Variants in PALM2AKAP2 observed in about 807,000 individuals in gnomAD.
The protein encoded by PALM2AKAP2 is PALM2-AKAP2 fusion protein.
Under a neutral mutation model 71.5 loss-of-function variants are expected in PALM2AKAP2, and 37 were observed. That is an observed-to-expected ratio of 0.52 (90% CI 0.40 to 0.68). PALM2AKAP2 has a LOEUF of 0.68. Ranked by LOEUF, PALM2AKAP2 falls within the 30% of genes least tolerant of loss-of-function variation. The pLI is 0.00. For missense variants in PALM2AKAP2, 1,224 were observed against 1,191.8 expected (o/e 1.03, Z -0.40); for synonymous variants, 468 against 478.8 (o/e 0.98, Z 0.29).
At chr9:109,883,910 G>A (rs1829908930) in intron 3 of PALM2AKAP2, among the ~76,000 whole-genome samples, 1 of 152,156 alleles carries the variant, frequency 6.6e-6, no homozygotes, top group South Asian at 2.1e-4. Flanking sequence ...AATGGGAGAG[G>A]TACAAGAGGG....
intron 1 of PALM2AKAP2, among the ~76,000 whole-genome samples, chr9:110,109,356 TAA>T (rs35816224): frequency 8.0e-6 from 1 of 125,252 alleles, no homozygotes; most frequent in African/African-American, 3.0e-5. Flanking sequence ...AAGAAACATT[TAA>T]AAAAAAAAAA....
At chr9:110,116,033 A>G (rs1260639932) in intron 1 of PALM2AKAP2, among the ~76,000 whole-genome samples, 5 of 152,182 alleles carry the variant, frequency 3.3e-5, no homozygotes, top group African/African-American at 4.8e-5. Context: ...GGGTAAATCT[A>G]CGAGAGAGAC....
intron 1 of PALM2AKAP2, among the ~76,000 whole-genome samples, chr9:110,115,429 A>G (rs1321011606): frequency 6.6e-6 from 1 of 152,180 alleles, no homozygotes; most frequent in Non-Finnish European, 1.5e-5. Flanking sequence ...TGGGAGAAAA[A>G]TTAGCGGCCC....
chr9:109,722,126 A>C (rs114688506), intron 1 of PALM2AKAP2, among the ~76,000 whole-genome samples: 1,980 of 152,312 alleles, frequency 0.013, 39 homozygotes, highest in African/African-American at 0.045. Flanking sequence ...GAAGTGATTT[A>C]ACTGTCCATT....
chr9:110,140,994 C>T lies in PALM2AKAP2; in HGVS notation c.2569+2455C>T, dbSNP rs570173362. On this transcript the variant is annotated intron_variant, in intron 2 of 3. Transcript: ENST00000374525. ...GGGGGGCGGGCACAAACATTCAGAC[C>T]GTAGCATGAGTATTTTCAGGCTTCT... Among the ~76,000 whole-genome samples, 31 of 152,320 alleles carry T rather than the reference C, an allele frequency of 2.0e-4. No individual in the cohort carries two copies. The East Asian group carries it at 3.9e-3, about 19-fold the overall frequency.
intron 1 of PALM2AKAP2, among the ~76,000 whole-genome samples, chr9:109,814,508 A>C (rs557093369): frequency 7.2e-5 from 11 of 152,316 alleles, no homozygotes; most frequent in East Asian, 1.9e-4. Context: ...GCCTCCTGTC[A>C]CTGGGAGAAT....
intron 1 of PALM2AKAP2, among the ~76,000 whole-genome samples, chr9:109,851,320 G>C (rs1173130818): frequency 6.6e-6 from 1 of 152,124 alleles, no homozygotes; most frequent in Non-Finnish European, 1.5e-5. Flanking sequence ...ATGATCCTCA[G>C]GTGATCTTAA....
chr9:110,057,839 A>T (rs527506791), intron 1 of PALM2AKAP2, among the ~76,000 whole-genome samples: 83 of 152,242 alleles, frequency 5.5e-4, no homozygotes, highest in African/African-American at 1.9e-3. Context: ...CAAAATCCCT[A>T]ATGAGTCCTG....
rs544859671 is a variant in PALM2AKAP2 at position 109,684,468 on chromosome 9, G to A, written c.5+43602G>A. On this transcript the variant is annotated intron_variant, in intron 1 of 6. Coordinates refer to the PALM2AKAP2 transcript ENST00000374531. ...CACACCTCATTGGAGTTTCTAATCT[G>A]AGAAACTGCAGGGGGCAGGCAAGGA... Among the ~76,000 whole-genome samples, 5 of 152,268 alleles carry A rather than the reference G, an allele frequency of 3.3e-5. No individual in the cohort carries two copies. In the South Asian group the frequency reaches 1.0e-3, roughly 32 times the overall value.
intron 3 of PALM2AKAP2, among the ~76,000 whole-genome samples, chr9:109,906,941 T>C (rs1376931997): frequency 2.0e-5 from 3 of 152,182 alleles, no homozygotes; most frequent in Non-Finnish European, 4.4e-5. Context: ...CCCTCATGAG[T>C]GCACTCAGAT....
intron 1 of PALM2AKAP2, among the ~76,000 whole-genome samples, chr9:109,839,343 T>G (rs1828584583): frequency 6.6e-6 from 1 of 152,220 alleles, no homozygotes. Flanking sequence ...CAGCCCTTCA[T>G]GCGAAAAACA....
intron 1 of PALM2AKAP2, among the ~76,000 whole-genome samples, chr9:110,051,007 C>A (rs1833699742): frequency 6.6e-6 from 1 of 152,218 alleles, no homozygotes; most frequent in African/African-American, 2.4e-5. Context: ...ACAGCACCAA[C>A]AAAATTAGTC....
exon 2 of PALM2AKAP2, chr9:110,137,119 G>T (rs1165096469): frequency 3.1e-6 from 5 of 1,613,370 alleles, no homozygotes; most frequent in Non-Finnish European, 4.2e-6. Flanking sequence ...CCCCATCGCA[G>T]CTCTGCACAG....
chr9:110,117,085 A>G (rs1457210101), intron 1 of PALM2AKAP2, among the ~76,000 whole-genome samples: 2 of 152,088 alleles, frequency 1.3e-5, no homozygotes, highest in African/African-American at 4.8e-5. Context: ...GCTCAGTCAT[A>G]TGCATCTTTG....
chr9:109,882,329 G>T (rs568662212), intron 3 of PALM2AKAP2, among the ~76,000 whole-genome samples: 11 of 152,346 alleles, frequency 7.2e-5, no homozygotes, highest in African/African-American at 2.6e-4. Context: ...GTCAGCCTAT[G>T]TCCCTACTTT....
intron 3 of PALM2AKAP2, among the ~76,000 whole-genome samples, chr9:109,899,426 G>A (rs934533152): frequency 2.0e-5 from 3 of 152,074 alleles, no homozygotes; most frequent in Non-Finnish European, 4.4e-5. Flanking sequence ...CTTTCATGGG[G>A]ATTGATGCAA....
At chr9:109,865,550 G>C (rs13298370) in intron 1 of PALM2AKAP2, among the ~76,000 whole-genome samples, 21,138 of 152,138 alleles carry the variant, frequency 0.14, 1,881 homozygotes, top group East Asian at 0.28. Flanking sequence ...CTCAGAGAAT[G>C]GTTCACCAAT....
At chr9:109,995,639 C>T (rs1832559061) in intron 6 of PALM2AKAP2, among the ~76,000 whole-genome samples, 1 of 152,162 alleles carries the variant, frequency 6.6e-6, no homozygotes, top group Admixed American at 6.5e-5. Context: ...CATCAGATCT[C>T]ACAAGACTTA....
At chr9:109,731,556 CTGAT>C (rs2118660575) in intron 1 of PALM2AKAP2, among the ~76,000 whole-genome samples, 1 of 152,264 alleles carries the variant, frequency 6.6e-6, no homozygotes, top group African/African-American at 2.4e-5. Flanking sequence ...TTTGTATAGT[CTGAT>C]TGCCTGATTA....
Sources: gnomAD v4.1 joint callset for allele counts (sites outside exome capture counted in the v4.1 genomes callset) on GRCh38, gnomAD v4.1.1 for gene constraint, MANE v1.5 for transcripts, NCBI Gene and HGNC (gene_info 2026-07-23, HGNC 2026-07-21) for gene names.